Variants in HAPLN1 observed in about 807,000 individuals in gnomAD.
HAPLN1 encodes hyaluronan and proteoglycan link protein 1, also known as Cartilage link protein.
HAPLN1 carries 13 observed loss-of-function variants against 36.5 expected under a neutral mutation model. The observed-to-expected ratio is 0.36, with a 90% CI of 0.23 to 0.57. The LOEUF (loss-of-function observed/expected upper bound fraction) is 0.57, where lower values mean the gene tolerates loss of function less well. Among genes scored for constraint, HAPLN1 ranks in the 20% least tolerant of loss-of-function variants. The probability of loss-of-function intolerance (pLI) is 0.83; values close to 1 mark genes in which losing one functional copy is unlikely to be tolerated. For synonymous variants in HAPLN1, 202 were observed against 169.8 expected (o/e 1.19, Z -1.48); for missense variants, 407 against 439.7 (o/e 0.93, Z 0.66).
intron 1 of HAPLN1, among the ~76,000 whole-genome samples, chr5:83,709,990 G>T (rs1751740685): frequency 6.6e-6 from 1 of 152,194 alleles, no homozygotes; most frequent in South Asian, 2.1e-4. Flanking sequence ...AGAGAAAATG[G>T]TGCTATTTAC....
chr5:83,704,897 C>G (rs1030392535), intron 1 of HAPLN1, among the ~76,000 whole-genome samples: 1 of 152,130 alleles, frequency 6.6e-6, no homozygotes, highest in African/African-American at 2.4e-5. Context: ...AACATTGGAG[C>G]AAATGGATCT....
At chr5:83,711,516 A>G (rs1190356273) in intron 1 of HAPLN1, among the ~76,000 whole-genome samples, 2 of 152,178 alleles carry the variant, frequency 1.3e-5, no homozygotes, top group Non-Finnish European at 2.9e-5. Flanking sequence ...ATGGACAAGA[A>G]AGAAAGAAGT....
chr5:83,705,359 C>T (rs1751614712), intron 1 of HAPLN1, among the ~76,000 whole-genome samples: 1 of 136,770 alleles, frequency 7.3e-6, no homozygotes, highest in African/African-American at 2.8e-5. Flanking sequence ...CATTACACTC[C>T]AGCCTGGGTG....
intron 1 of HAPLN1, among the ~76,000 whole-genome samples, chr5:83,706,935 A>G (rs1298042544): frequency 6.6e-6 from 1 of 152,174 alleles, no homozygotes; most frequent in Non-Finnish European, 1.5e-5. Context: ...CACCACCAGG[A>G]GCCAAGCCAA....
At chr5:83,645,960 T>C (rs1002279878) in intron 3 of HAPLN1, among the ~76,000 whole-genome samples, 1 of 152,218 alleles carries the variant, frequency 6.6e-6, no homozygotes, top group Non-Finnish European at 1.5e-5. Context: ...TGCCAAATAA[T>C]TAAGTTAAAT....
chr5:83,659,149 C>T (rs1026684673), intron 2 of HAPLN1, among the ~76,000 whole-genome samples: 1 of 152,082 alleles, frequency 6.6e-6, no homozygotes, highest in African/African-American at 2.4e-5. Context: ...TGGTGCACAC[C>T]TGTAATCCCA....
chr5:83,712,022 A>G (rs1751795996), intron 1 of HAPLN1, among the ~76,000 whole-genome samples: 1 of 152,230 alleles, frequency 6.6e-6, no homozygotes, highest in East Asian at 1.9e-4. Context: ...AGACAGACTC[A>G]GAAAATATTT....
chr5:83,702,248 T>A (rs1396141062), intron 1 of HAPLN1, among the ~76,000 whole-genome samples: 1 of 152,154 alleles, frequency 6.6e-6, no homozygotes, highest in East Asian at 1.9e-4. Flanking sequence ...TAAATTTGGC[T>A]TTTACTTTGG....
intron 2 of HAPLN1, among the ~76,000 whole-genome samples, chr5:83,668,722 G>GA (rs1478931251): frequency 2.0e-5 from 3 of 152,116 alleles, no homozygotes; most frequent in Non-Finnish European, 4.4e-5. Flanking sequence ...AACATACATT[G>GA]AGCACCTACT....
At chr5:83,713,987 T>C (rs577116523) in intron 1 of HAPLN1, among the ~76,000 whole-genome samples, 151 of 152,286 alleles carry the variant, frequency 9.9e-4, no homozygotes, top group African/African-American at 3.5e-3. Context: ...ACAACATTGC[T>C]GGGTAAGAAG....
At chr5:83,644,303 G>C (rs1749786660) in intron 4 of HAPLN1, 60 bp downstream of exon 4, 7 of 1,207,834 alleles carry the variant, frequency 5.8e-6, no homozygotes, top group Non-Finnish European at 7.7e-6. Context: ...GCCAAGTGTA[G>C]TGTTATAGTA....
chr5:83,684,404 G>C (rs1002680060), intron 1 of HAPLN1, among the ~76,000 whole-genome samples: 2 of 152,088 alleles, frequency 1.3e-5, no homozygotes, highest in African/African-American at 4.8e-5. Context: ...GCATACTCAG[G>C]ATACTATTGG....
intron 1 of HAPLN1, among the ~76,000 whole-genome samples, chr5:83,712,266 A>G (rs1305776302): frequency 1.3e-5 from 2 of 152,094 alleles, no homozygotes; most frequent in East Asian, 3.8e-4. Flanking sequence ...TAGAATTTAT[A>G]CCTGTTGTAT....
intron 2 of HAPLN1, among the ~76,000 whole-genome samples, chr5:83,667,867 G>T (rs1267567126): frequency 6.6e-6 from 1 of 152,228 alleles, no homozygotes; most frequent in Non-Finnish European, 1.5e-5. Context: ...GAGGAAGATT[G>T]CTGCAACTTG....
At chr5:83,658,340 C>T (rs1304751594) in intron 2 of HAPLN1, among the ~76,000 whole-genome samples, 2 of 152,120 alleles carry the variant, frequency 1.3e-5, no homozygotes, top group Admixed American at 6.5e-5. Flanking sequence ...GTTGTTTCTC[C>T]AGCATCAACA....
chr5:83,693,490 C>A (rs1167489232), intron 1 of HAPLN1, among the ~76,000 whole-genome samples: 1 of 151,690 alleles, frequency 6.6e-6, no homozygotes, highest in Non-Finnish European at 1.5e-5. Flanking sequence ...CCAAGCATAT[C>A]AATATTTTAA....
chr5:83,673,315 G>T, intron 2 of HAPLN1, 109 bp downstream of exon 2: 1 of 727,570 alleles, frequency 1.4e-6, no homozygotes. Context: ...GAAAGGGAAA[G>T]AAAAAGTCAA....
At chr5:83,706,456 A>G (rs1241840381) in intron 1 of HAPLN1, among the ~76,000 whole-genome samples, 1 of 152,258 alleles carries the variant, frequency 6.6e-6, no homozygotes, top group Non-Finnish European at 1.5e-5. Flanking sequence ...GATTCATCAC[A>G]TAAACAGAAC....
chr5:83,660,335 T>C (rs1750350604), intron 2 of HAPLN1, among the ~76,000 whole-genome samples: 1 of 152,212 alleles, frequency 6.6e-6, no homozygotes, highest in Non-Finnish European at 1.5e-5. Flanking sequence ...AGATAAATTC[T>C]ATCACTATTT....
Sources: allele counts gnomAD v4.1 joint callset (sites outside exome capture counted in the v4.1 genomes callset), GRCh38; gene constraint gnomAD v4.1.1; transcripts MANE v1.5; gene names NCBI Gene and HGNC (gene_info 2026-07-23, HGNC 2026-07-21).